Variants in COPS3 observed in about 807,000 individuals in gnomAD.
COPS3 encodes the protein COP9 signalosome subunit 3, also known as COP9 signalosome complex subunit 3.
A neutral mutation model predicts 58.2 loss-of-function variants in COPS3; 10 were observed. The observed-to-expected ratio is 0.17, with a 90% CI of 0.11 to 0.29. The LOEUF is 0.29. Ranked by LOEUF, COPS3 falls within the 10% of genes least tolerant of loss-of-function variation. The pLI, the probability that COPS3 is intolerant of heterozygous loss-of-function variation, is 1.00. For missense variants in COPS3, 333 were observed against 510.1 expected (o/e 0.65, Z 3.34); for synonymous variants, 187 against 181.7 (o/e 1.03, Z -0.24).
At chr17:17,271,476 G>C (rs1194821438) in intron 2 of COPS3, among the ~76,000 whole-genome samples, 1 of 151,532 alleles carries the variant, frequency 6.6e-6, no homozygotes, top group African/African-American at 2.4e-5. Flanking sequence ...TTCCTGACCT[G>C]GTTATTTTGC....
Position 17,255,485 on chromosome 17 carries a change from C to CA in COPS3, c.937-541dup, listed in dbSNP as rs10529108. On this transcript the variant is annotated intron_variant, in intron 8 of 11. Transcript: ENST00000268717. ...TGGACGACAGAGCAAGACTCTATTTCAAAAAAAAAAGTGTACAGAGCTCTT... is the reference window on the plus strand; with the variant it reads ...TGGACGACAGAGCAAGACTCTATTTCAAAAAAAAAAAGTGTACAGAGCTCTT... 6.2e-5 allele frequency among the ~76,000 whole-genome samples: 8 copies of CA among 129,036 alleles called. No individual in the cohort carries two copies. The South Asian group carries it at 7.1e-4, about 11-fold the overall frequency. The allele number at this position is 129,036 out of a possible 152,430, so 84.7% of individuals were successfully genotyped here.
chr17:17,276,980 C>T (rs2048473892), intron 1 of COPS3, among the ~76,000 whole-genome samples: 1 of 152,108 alleles, frequency 6.6e-6, no homozygotes, highest in Non-Finnish European at 1.5e-5. Flanking sequence ...GAACTAAGGC[C>T]CTTCAATAAC....
In COPS3 at chr17:17,281,197, G is replaced by A. The variant is rs771128265; in HGVS notation, c.-11C>T. ...CAGGGCAGACGCCATGTTTTCCCCC[G>A]GGCGGCCCGAGCGGCGAAGGCAGCA... On this transcript the variant is annotated 5_prime_UTR_variant, in exon 1 of 12. Coordinates refer to ENST00000268717, the MANE Select transcript of COPS3 (RefSeq NM_003653.4). The A allele has an allele frequency of 2.3e-5, 37 of 1,608,528 alleles. No individual in the cohort carries two copies. The highest frequency in any genetic ancestry group is 3.0e-5 in the Non-Finnish European group (35 of 1,177,900).
chr17:17,252,846 T>C (rs2047883529), intron 9 of COPS3, among the ~76,000 whole-genome samples: 1 of 152,168 alleles, frequency 6.6e-6, no homozygotes, highest in Non-Finnish European at 1.5e-5. Flanking sequence ...CATAGAGGTA[T>C]GGTTTTGTTT....
At chr17:17,280,566 A>C in intron 1 of COPS3, 1 of 1,273,576 alleles carries the variant, frequency 7.9e-7, no homozygotes, top group Admixed American at 2.5e-5. Flanking sequence ...GAAGAAATGG[A>C]GTCCTACGAG....
At chr17:17,255,173 G>A (rs879694811) in intron 8 of COPS3, 22 of 319,368 alleles carry the variant, frequency 6.9e-5, no homozygotes, top group South Asian at 8.3e-5. Context: ...GGTGGTGCAC[G>A]CCTGTAGTCC....
intron 8 of COPS3, among the ~76,000 whole-genome samples, chr17:17,259,746 T>G (rs1470794386): frequency 6.6e-6 from 1 of 151,952 alleles, no homozygotes; most frequent in Non-Finnish European, 1.5e-5. Flanking sequence ...ATACAAAAAT[T>G]AGCTGGGCGT....
chr17:17,259,641 TC>T (rs1326032726), intron 8 of COPS3, among the ~76,000 whole-genome samples: 2 of 152,154 alleles, frequency 1.3e-5, no homozygotes, highest in Non-Finnish European at 2.9e-5. Context: ...ATGTCTGTAA[TC>T]CCAGCAGTTT....
At position 17,263,814 on chromosome 17, in the gene COPS3, G is replaced by A. The variant is rs565333452; in HGVS notation, c.621+988C>T. On this transcript the variant is annotated intron_variant, in intron 6 of 11. Coordinates refer to ENST00000268717, the MANE Select transcript of COPS3 (RefSeq NM_003653.4). ...CAGGCGTGAGCCACCGCACTCGGAC[G>A]CCTCTTACCTTTTTAACACCCACTC... Among the ~76,000 whole-genome samples the A allele has an allele frequency of 5.7e-4, 86 of 152,122 alleles. 1 individual carries two copies. Among genetic ancestry groups the A allele is most frequent in the Non-Finnish European group, 9.3e-4 (63 of 68,002 alleles).
intron 7 of COPS3, 65 bp downstream of exon 7, chr17:17,261,901 C>T (rs1205124437): frequency 1.3e-5 from 18 of 1,398,318 alleles, no homozygotes; most frequent in Non-Finnish European, 1.8e-5. Flanking sequence ...AGAACTGTAT[C>T]ATTGCAATTT....
chr17:17,270,131 T>G (rs766829661), intron 4 of COPS3, among the ~76,000 whole-genome samples: 10 of 151,580 alleles, frequency 6.6e-5, no homozygotes, highest in Non-Finnish European at 1.5e-4. Context: ...CACTCCAGCC[T>G]AGGCATCAGA....
chr17:17,247,533 G>A lies in COPS3; in HGVS notation c.1165C>T (p.Arg389Trp), dbSNP rs749417297. 5.0e-6 allele frequency: 8 copies of A among 1,614,034 alleles called. No individual in the cohort carries two copies. Among genetic ancestry groups the A allele is most frequent in the Admixed American group, 1.7e-5 (1 of 59,994 alleles). Residue 389 changes from arginine to tryptophan, a missense_variant, in exon 11 of 12, where the codon CGG becomes TGG. Arg to Trp is a moderately radical substitution (Grantham distance 101, BLOSUM62 -3). Coordinates refer to ENST00000268717, the MANE Select transcript of COPS3 (RefSeq NM_003653.4). ...EMLKCIELDE[R>W]LKAMDQEITV... ...ATCTCCTGGTCCATGGCTTTCAGCCGCTCATCCAGCTCAATGCACTTCAGC... is the reference window on the plus strand; with the variant it reads ...ATCTCCTGGTCCATGGCTTTCAGCCACTCATCCAGCTCAATGCACTTCAGC...
At chr17:17,247,270 G>T in intron 11 of COPS3, 119 bp from the exon 12 acceptor site, 1 of 1,074,670 alleles carries the variant, frequency 9.3e-7, no homozygotes, top group Non-Finnish European at 1.4e-6. Flanking sequence ...GTGAACAAGG[G>T]CAGGCAATTC....
chr17:17,260,197 G>T, intron 8 of COPS3, 104 bp downstream of exon 8: 2 of 1,125,908 alleles, frequency 1.8e-6, no homozygotes, highest in South Asian at 1.5e-5. Flanking sequence ...ATCCTGCCAT[G>T]CTTTATCCCT....
At chr17:17,279,355 C>T (rs977518378) in intron 1 of COPS3, among the ~76,000 whole-genome samples, 1 of 152,058 alleles carries the variant, frequency 6.6e-6, no homozygotes, top group Admixed American at 6.6e-5. Context: ...AGTGGTTCAC[C>T]CAAGAAGTGA....
rs1334770176 is a variant in COPS3 at position 17,270,799 on chromosome 17, G to T, written c.307C>A (p.Leu103Ile). 6.3e-7 allele frequency: 1 copy of T among 1,599,684 alleles called. No individual in the cohort carries two copies. Among genetic ancestry groups the T allele is most frequent in the East Asian group, 2.3e-5 (1 of 44,424 alleles). ...IRYATDTFAG[L>I]CHQLTNALVE... ...AGTGCATTTGTTAGCTGATGGCAAA[G>T]CCCAGCAACTAGATACAATAACAAA... Residue 103 changes from leucine (L) to isoleucine (I), a missense_variant, in exon 4 of 12, where the codon CTT (leucine) becomes ATT (isoleucine). Leu to Ile is a conservative substitution (Grantham distance 5, BLOSUM62 2). Coordinates refer to ENST00000268717, the MANE Select transcript of COPS3 (RefSeq NM_003653.4).
Position 17,253,662 on chromosome 17 carries a change from A to G in COPS3, c.1023+1197T>C, listed in dbSNP as rs1326781675. 2.6e-5 allele frequency among the ~76,000 whole-genome samples: 4 copies of G among 152,198 alleles called. No individual in the cohort carries two copies. The South Asian group carries it at 8.3e-4, about 31-fold the overall frequency. On this transcript the variant is annotated intron_variant, in intron 9 of 11. Transcript: ENST00000268717. ...GTCAGTCAATGATGTCGCTAAGCAC[A>G]CTGTGTAGTTCAGCAAACATTGTTC...
At chr17:17,253,616 C>T (rs1436037498) in intron 9 of COPS3, among the ~76,000 whole-genome samples, 5 of 152,170 alleles carry the variant, frequency 3.3e-5, no homozygotes, top group African/African-American at 7.2e-5. Context: ...CCCTCAGTGA[C>T]GGAAGAGGCT....
intron 1 of COPS3, chr17:17,280,882 C>T (rs1478531858): frequency 4.8e-6 from 5 of 1,032,798 alleles, no homozygotes; most frequent in Non-Finnish European, 6.7e-6. Flanking sequence ...GGGGCCCAGG[C>T]CGGGGGGAGG....
Sources: allele counts gnomAD v4.1 joint callset (sites outside exome capture counted in the v4.1 genomes callset), GRCh38; gene constraint gnomAD v4.1.1; transcripts MANE v1.5; gene names NCBI Gene and HGNC (gene_info 2026-07-23, HGNC 2026-07-21).